ALK: variants seen among roughly 807,000 people sequenced by gnomAD.
ALK encodes ALK receptor tyrosine kinase, also known as ALK tyrosine kinase receptor.
Under a neutral mutation model 163.1 loss-of-function variants are expected in ALK, and 74 were observed. The ratio of observed to expected loss-of-function variants is 0.45; its 90% CI spans 0.38 to 0.55. The LOEUF (loss-of-function observed/expected upper bound fraction) is 0.55. ALK is among the 20% of genes least tolerant of loss of function. The pLI is 0.00. For missense variants in ALK, 2,063 were observed against 2,105.3 expected (o/e 0.98, Z 0.39); for synonymous variants, 960 against 843.2 (o/e 1.14, Z -2.40).
chr2:29,827,450 C>A (rs1395623122), intron 1 of ALK, among the ~76,000 whole-genome samples: 2 of 152,166 alleles, frequency 1.3e-5, no homozygotes, highest in Non-Finnish European at 2.9e-5. Context: ...GAGCTTCTAC[C>A]AAATGATGAA....
chr2:29,392,230 T>C (rs1669191569), intron 4 of ALK, among the ~76,000 whole-genome samples: 1 of 152,196 alleles, frequency 6.6e-6, no homozygotes, highest in African/African-American at 2.4e-5. Flanking sequence ...GCATGAAACA[T>C]ATCATCATCC....
intron 1 of ALK, among the ~76,000 whole-genome samples, chr2:29,724,823 A>T (rs540744920): frequency 3.8e-4 from 58 of 152,288 alleles, no homozygotes; most frequent in African/African-American, 1.3e-3. Context: ...GGAATTAAAC[A>T]GCTCCCACTC....
At chr2:29,858,949 C>T (rs1156989370) in intron 1 of ALK, among the ~76,000 whole-genome samples, 1 of 152,020 alleles carries the variant, frequency 6.6e-6, no homozygotes. Context: ...AGGAGAATTG[C>T]TTGAACCGAG....
chr2:29,469,863 A>T (rs1230530348), intron 4 of ALK, among the ~76,000 whole-genome samples: 5 of 152,228 alleles, frequency 3.3e-5, no homozygotes, highest in Admixed American at 6.5e-5. Flanking sequence ...TCAATAAAAT[A>T]TTACCAGAAA....
At chr2:29,876,495 G>T (rs1472354458) in intron 1 of ALK, among the ~76,000 whole-genome samples, 1 of 151,776 alleles carries the variant, frequency 6.6e-6, no homozygotes, top group African/African-American at 2.4e-5. Context: ...TGATGGTAGT[G>T]GTAATGGTGG....
chr2:29,875,806 A>C (rs553233706), intron 1 of ALK, among the ~76,000 whole-genome samples: 2 of 152,348 alleles, frequency 1.3e-5, no homozygotes, highest in East Asian at 3.9e-4. Context: ...TGTATGTGCC[A>C]CATTTTCTTT....
chr2:29,644,330 A>T (rs1327345317), intron 3 of ALK, among the ~76,000 whole-genome samples: 1 of 152,052 alleles, frequency 6.6e-6, no homozygotes, highest in Non-Finnish European at 1.5e-5. Flanking sequence ...GCACACCAAC[A>T]TGGCACATGT....
chr2:29,912,755 T>C (rs1209737710), intron 1 of ALK, among the ~76,000 whole-genome samples: 1 of 152,078 alleles, frequency 6.6e-6, no homozygotes, highest in Non-Finnish European at 1.5e-5. Context: ...TTGTAGAAGA[T>C]TGCAAAGCTA....
chr2:29,825,700 G>T (rs1251879321), intron 1 of ALK, among the ~76,000 whole-genome samples: 2 of 140,784 alleles, frequency 1.4e-5, no homozygotes, highest in Non-Finnish European at 3.1e-5. Context: ...GTCTTGAAAA[G>T]ATCATTTTGT....
intron 1 of ALK, among the ~76,000 whole-genome samples, chr2:29,768,227 G>A (rs1276941927): frequency 6.6e-6 from 1 of 152,192 alleles, no homozygotes; most frequent in African/African-American, 2.4e-5. Context: ...TAGCAGAGCT[G>A]GAGCTCTAAA....
chr2:29,410,345 T>A (rs1171552664), intron 4 of ALK, among the ~76,000 whole-genome samples: 1 of 152,234 alleles, frequency 6.6e-6, no homozygotes, highest in Non-Finnish European at 1.5e-5. Flanking sequence ...CACCTAATTG[T>A]GACCTGGAAG....
intron 1 of ALK, among the ~76,000 whole-genome samples, chr2:29,843,618 A>G (rs1045824351): frequency 1.8e-4 from 28 of 152,162 alleles, no homozygotes; most frequent in African/African-American, 6.0e-4. Context: ...GGGGATTTCT[A>G]TTGTAGAACC....
At chr2:29,688,589 G>C (rs1005484621) in intron 3 of ALK, among the ~76,000 whole-genome samples, 2 of 152,188 alleles carry the variant, frequency 1.3e-5, no homozygotes, top group African/African-American at 4.8e-5. Context: ...CAGGAAGGGA[G>C]CTCTGGGGAG....
intron 5 of ALK, among the ~76,000 whole-genome samples, chr2:29,338,761 G>C (rs771808865): frequency 2.0e-5 from 3 of 152,252 alleles, no homozygotes; most frequent in Non-Finnish European, 2.9e-5. Context: ...AATGTATGTA[G>C]TCAAATAATA....
chr2:29,715,984 T>A (rs1308354529), intron 2 of ALK, among the ~76,000 whole-genome samples: 1 of 152,156 alleles, frequency 6.6e-6, no homozygotes, highest in East Asian at 1.9e-4. Context: ...TTTTTAAGTT[T>A]AAAATATGGT....
At chr2:29,846,923 C>A (rs1304489370) in intron 1 of ALK, among the ~76,000 whole-genome samples, 1 of 152,190 alleles carries the variant, frequency 6.6e-6, no homozygotes, top group Admixed American at 6.5e-5. Flanking sequence ...CACCTATAAG[C>A]AGATCTGTCT....
At chr2:29,305,411 A>T (rs1666482353) in intron 8 of ALK, among the ~76,000 whole-genome samples, 1 of 152,174 alleles carries the variant, frequency 6.6e-6, no homozygotes, top group Non-Finnish European at 1.5e-5. Flanking sequence ...CAATTTCTTA[A>T]TTAGAAGACC....
chr2:29,608,327 G>C (rs542106825), intron 3 of ALK, among the ~76,000 whole-genome samples: 1 of 152,256 alleles, frequency 6.6e-6, no homozygotes, highest in South Asian at 2.1e-4. Context: ...TTTGTTCTTG[G>C]CTGCAATTCC....
chr2:29,225,336 C>T (rs2148175971), intron 19 of ALK, 125 bp downstream of exon 19: 1 of 920,144 alleles, frequency 1.1e-6, no homozygotes, highest in Non-Finnish European at 1.7e-6. Flanking sequence ...CCCTAATCAC[C>T]ACCCCACCCA....
Sources: gnomAD v4.1 joint callset for allele counts (sites outside exome capture counted in the v4.1 genomes callset) on GRCh38, gnomAD v4.1.1 for gene constraint, MANE v1.5 for transcripts, NCBI Gene and HGNC (gene_info 2026-07-23, HGNC 2026-07-21) for gene names.